The following CSMD3 variants were observed in gnomAD, a reference collection of about 807,000 sequenced individuals.
The protein encoded by CSMD3 is CUB and Sushi multiple domains 3.
A neutral mutation model predicts 435.2 loss-of-function variants in CSMD3; 177 were observed. The ratio of observed to expected loss-of-function variants is 0.41; its 90% CI spans 0.36 to 0.46. CSMD3 has a LOEUF of 0.46. CSMD3 is among the 20% of genes least tolerant of loss of function. CSMD3 has a pLI of 0.34. For missense variants in CSMD3, 4,265 were observed against 4,504.6 expected (o/e 0.95, Z 1.52); for synonymous variants, 1,656 against 1,520.5 (o/e 1.09, Z -2.07).
intron 20 of CSMD3, among the ~76,000 whole-genome samples, chr8:112,642,661 C>G (rs906951440): frequency 6.6e-6 from 1 of 151,948 alleles, no homozygotes; most frequent in Non-Finnish European, 1.5e-5. Flanking sequence ...CATAGGAACT[C>G]TGAATCAAAA....
chr8:113,279,127 T>A (rs554950893), intron 2 of CSMD3, among the ~76,000 whole-genome samples: 24 of 151,410 alleles, frequency 1.6e-4, no homozygotes, highest in Non-Finnish European at 2.5e-4. Context: ...CAGAACCTAT[T>A]AAGGCAATAT....
At chr8:113,062,235 A>G (rs1250110057) in intron 5 of CSMD3, among the ~76,000 whole-genome samples, 1 of 151,906 alleles carries the variant, frequency 6.6e-6, no homozygotes, top group African/African-American at 2.4e-5. Context: ...CATTTCATCA[A>G]GTTACATATA....
At chr8:112,323,453 T>C (rs976216931) in intron 45 of CSMD3, among the ~76,000 whole-genome samples, 1 of 152,070 alleles carries the variant, frequency 6.6e-6, no homozygotes, top group African/African-American at 2.4e-5. Flanking sequence ...AATAGGGTTG[T>C]TGCAGACGTA....
In CSMD3 at chr8:112,241,713, T is replaced by G. The variant is rs2130063271; in HGVS notation, c.10468+7A>C. ...TGAACTCTAGAAAAACAAATGACAT[T>G]ACTAACCACTTAGCTTTGGGCTGGG... is the stretch of plus-strand genomic sequence containing the variant. On this transcript the variant is annotated splice_region_variant and intron_variant, in intron 66 of 70. Transcript: ENST00000297405. 5 of 1,602,636 alleles carry G rather than the reference T, an allele frequency of 3.1e-6. No individual in the cohort carries two copies. Among genetic ancestry groups the G allele is most frequent in the Non-Finnish European group, 4.3e-6 (5 of 1,169,754 alleles).
At chr8:112,672,678 C>CT (rs2075685417) in intron 16 of CSMD3, among the ~76,000 whole-genome samples, 1 of 151,996 alleles carries the variant, frequency 6.6e-6, no homozygotes, top group Non-Finnish European at 1.5e-5. Flanking sequence ...TTTAATTCTT[C>CT]TTTTTGTAGC....
intron 12 of CSMD3, among the ~76,000 whole-genome samples, chr8:112,809,621 G>A (rs947012415): frequency 6.6e-6 from 1 of 151,940 alleles, no homozygotes. Flanking sequence ...TGTACTCCTG[G>A]TAATAATAGT....
chr8:112,707,309 T>A (rs2076519407), intron 13 of CSMD3, among the ~76,000 whole-genome samples: 1 of 151,968 alleles, frequency 6.6e-6, no homozygotes, highest in African/African-American at 2.4e-5. Context: ...AAAGTGACAG[T>A]GAAACAAGTG....
intron 47 of CSMD3, among the ~76,000 whole-genome samples, chr8:112,318,600 G>A (rs111794236): frequency 6.8e-4 from 104 of 151,894 alleles, no homozygotes; most frequent in African/African-American, 2.2e-3. Context: ...TAAGTTGAAC[G>A]GACTTCATGC....
At chr8:112,484,583 T>C (rs1366831275) in intron 31 of CSMD3, among the ~76,000 whole-genome samples, 1 of 151,914 alleles carries the variant, frequency 6.6e-6, no homozygotes, top group Admixed American at 6.6e-5. Flanking sequence ...CACTTAAATG[T>C]AGACTACATG....
intron 1 of CSMD3, among the ~76,000 whole-genome samples, chr8:113,370,032 C>G (rs2094337376): frequency 6.6e-6 from 1 of 151,716 alleles, no homozygotes; most frequent in Non-Finnish European, 1.5e-5. Flanking sequence ...ATACTGCATT[C>G]TTGAAAAATG....
chr8:113,336,468 GT>G (rs1427366540), intron 1 of CSMD3, among the ~76,000 whole-genome samples: 2 of 152,022 alleles, frequency 1.3e-5, no homozygotes, highest in Non-Finnish European at 2.9e-5. Flanking sequence ...TATCTTGTTG[GT>G]TTTCTGTATG....
At chr8:112,420,465 T>G (rs113963390) in intron 32 of CSMD3, among the ~76,000 whole-genome samples, 1 of 152,200 alleles carries the variant, frequency 6.6e-6, no homozygotes, top group Non-Finnish European at 1.5e-5. Flanking sequence ...CCGATTTCCC[T>G]GATTTTACCC....
intron 31 of CSMD3, among the ~76,000 whole-genome samples, chr8:112,484,347 G>T (rs369038638): frequency 6.6e-6 from 1 of 151,930 alleles, no homozygotes; most frequent in Non-Finnish European, 1.5e-5. Flanking sequence ...CATTATAATC[G>T]TTTCAGATAC....
chr8:112,666,841 C>T (rs1586926341), intron 16 of CSMD3, among the ~76,000 whole-genome samples: 1 of 152,086 alleles, frequency 6.6e-6, no homozygotes, highest in South Asian at 2.1e-4. Context: ...CTTCCATTTT[C>T]CAGAGTCACT....
intron 5 of CSMD3, among the ~76,000 whole-genome samples, chr8:113,055,446 C>A (rs548093567): frequency 2.0e-5 from 3 of 152,262 alleles, no homozygotes; most frequent in South Asian, 4.1e-4. Context: ...TGTCCTGAGA[C>A]TTAGTCATAG....
chr8:112,823,427 A>T (rs2079584030), intron 12 of CSMD3, among the ~76,000 whole-genome samples: 1 of 152,036 alleles, frequency 6.6e-6, no homozygotes, highest in African/African-American at 2.4e-5. Context: ...TGTCAATTTG[A>T]GATCTTTGTA....
At chr8:112,934,363 T>C (rs906638049) in intron 9 of CSMD3, among the ~76,000 whole-genome samples, 3 of 152,190 alleles carry the variant, frequency 2.0e-5, no homozygotes, top group African/African-American at 7.2e-5. Context: ...GTTGAGCTTT[T>C]TGGGTTGCTG....
intron 4 of CSMD3, among the ~76,000 whole-genome samples, chr8:113,136,899 A>C (rs2091431454): frequency 1.3e-5 from 2 of 151,622 alleles, no homozygotes; most frequent in South Asian, 4.1e-4. Flanking sequence ...AACACCCATA[A>C]GTCAAGCAGA....
intron 6 of CSMD3, among the ~76,000 whole-genome samples, chr8:112,989,911 A>C (rs774731679): frequency 6.6e-6 from 1 of 151,992 alleles, no homozygotes; most frequent in Non-Finnish European, 1.5e-5. Context: ...AGATGGAGAT[A>C]ATTGAATCAT....
Sources: allele counts gnomAD v4.1 joint callset (sites outside exome capture counted in the v4.1 genomes callset), GRCh38; gene constraint gnomAD v4.1.1; transcripts MANE v1.5; gene names NCBI Gene and HGNC (gene_info 2026-07-23, HGNC 2026-07-21).